Variants in TPCN2 observed in about 807,000 individuals in gnomAD.
The protein encoded by TPCN2 is two pore segment channel 2, also known as two pore channel protein 2.
A neutral mutation model predicts 111.4 loss-of-function variants in TPCN2; 92 were observed. The ratio of observed to expected loss-of-function variants is 0.83; its 90% CI spans 0.70 to 0.98. The LOEUF is 0.98. TPCN2 is among the 50% of genes least tolerant of loss of function. TPCN2 has a pLI of 0.00. For missense variants in TPCN2, 995 were observed against 980.1 expected (o/e 1.02, Z -0.20); for synonymous variants, 405 against 414.5 (o/e 0.98, Z 0.28).
chr11:69,062,260 C>T (rs1006253873), intron 5 of TPCN2, among the ~76,000 whole-genome samples: 1 of 152,160 alleles, frequency 6.6e-6, no homozygotes, highest in Non-Finnish European at 1.5e-5. Context: ...ACCCAAACCC[C>T]TCCTGCTAGA....
At chr11:69,050,962 A>G (rs1325252324) in intron 1 of TPCN2, among the ~76,000 whole-genome samples, 3 of 152,236 alleles carry the variant, frequency 2.0e-5, no homozygotes, top group African/African-American at 7.2e-5. Flanking sequence ...GAACGTGGAC[A>G]GGACGCTCTG....
chr11:69,064,043 C>A, intron 7 of TPCN2, 76 bp downstream of exon 7: 1 of 1,431,578 alleles, frequency 7.0e-7, no homozygotes, highest in South Asian at 1.2e-5. Flanking sequence ...GGGCTGGTGT[C>A]TGCTGCCCTG....
intron 9 of TPCN2, 63 bp downstream of exon 9, chr11:69,070,558 A>C (rs1590729884): frequency 7.7e-7 from 1 of 1,296,206 alleles, no homozygotes. Flanking sequence ...GGACCGATAC[A>C]CCCTGCTGCC....
intron 14 of TPCN2, 37 bp from the exon 15 acceptor site, chr11:69,078,697 T>C: frequency 6.2e-7 from 1 of 1,613,510 alleles, no homozygotes. Flanking sequence ...AGCGCTGTGC[T>C]GGGCCAGCCG....
At chr11:69,057,443 T>A in intron 4 of TPCN2, 135 bp from the exon 5 acceptor site, 1 of 814,026 alleles carries the variant, frequency 1.2e-6, no homozygotes, top group South Asian at 1.5e-5. Flanking sequence ...CTGCTCTGCG[T>A]CCCGTGGGGA....
chr11:69,086,682 G>A, intron 23 of TPCN2, 78 bp downstream of exon 23: 1 of 1,403,432 alleles, frequency 7.1e-7, no homozygotes, highest in Non-Finnish European at 1.0e-6. Context: ...GAGGCCACCG[G>A]CCGGGCCTGC....
At chr11:69,052,353 A>G (rs993304585) in intron 1 of TPCN2, among the ~76,000 whole-genome samples, 17 of 152,082 alleles carry the variant, frequency 1.1e-4, no homozygotes, top group Admixed American at 3.9e-4. Flanking sequence ...CATGGGATAT[A>G]TCAGCTTTGA....
rs77605225 is a variant in TPCN2, at chr11:69,077,468, C to G, written c.1231-1014C>G. 5.6e-3 allele frequency among the ~76,000 whole-genome samples: 853 copies of G among 152,252 alleles called. 5 individuals carry two copies. The highest frequency in any genetic ancestry group is 0.017 in the Middle Eastern group (5 of 294). On this transcript the variant is annotated intron_variant, in intron 13 of 24. Coordinates refer to ENST00000294309, the MANE Select transcript of TPCN2 (RefSeq NM_139075.4). ...ATGAGACGCTGAAAGGGACCCTGCCCGTTGTGGCAGAGTGCGTATCGAGGA... is the reference window on the plus strand; with the variant it reads ...ATGAGACGCTGAAAGGGACCCTGCCGGTTGTGGCAGAGTGCGTATCGAGGA...
At position 69,071,815 on chromosome 11, in the gene TPCN2, C is replaced by A. The variant is rs1018715155; in HGVS notation, c.961-108C>A. On this transcript the variant is annotated intron_variant, in intron 10 of 24. Coordinates refer to ENST00000294309, the MANE Select transcript of TPCN2 (RefSeq NM_139075.4). ...GGCTGTGGGGAACTGGGCCCCCCCC[C>A]AAGGCTGCCCAGACTCCCCCTCTGC... 4 of 1,032,764 alleles carry A rather than the reference C, an allele frequency of 3.9e-6. No homozygotes were observed. The Admixed American group carries it at 6.0e-5, about 15-fold the overall frequency. The allele number at this position is 1,032,764 out of a possible 1,614,324, so 64.0% of individuals were successfully genotyped here. A position where few individuals can be genotyped will look rare whatever the true frequency, so the allele number is the denominator to read the frequency against.
intron 20 of TPCN2, 79 bp from the exon 21 acceptor site, chr11:69,085,592 G>A (rs1156790314): frequency 1.0e-6 from 1 of 979,062 alleles, no homozygotes; most frequent in Non-Finnish European, 1.6e-6. Context: ...GAGCACGCCA[G>A]CAGAGGAAAG....
intron 5 of TPCN2, among the ~76,000 whole-genome samples, chr11:69,060,806 G>T (rs1854986867): frequency 6.6e-6 from 1 of 152,228 alleles, no homozygotes; most frequent in South Asian, 2.1e-4. Flanking sequence ...GGGGCTGAAA[G>T]AAGCCTTTGT....
At chr11:69,073,713 G>T (rs1165745721) in intron 13 of TPCN2, among the ~76,000 whole-genome samples, 1 of 152,202 alleles carries the variant, frequency 6.6e-6, no homozygotes, top group Non-Finnish European at 1.5e-5. Context: ...TCCTCCTGAG[G>T]CCCCTCTCAG....
Position 69,088,237 on chromosome 11 carries a change from A to T in TPCN2, c.*284A>T, listed in dbSNP as rs1856355576. On this transcript the variant is annotated 3_prime_UTR_variant, in exon 25 of 25. Transcript: ENST00000294309. ...GACTCCACAGGGACCTTTCAGACAA[A>T]AATGCAAGAAGCAGCGGCCTCCCCT... 2.4e-6 allele frequency: 1 copy of T among 414,412 alleles called. No individual in the cohort carries two copies. Among genetic ancestry groups the T allele is most frequent in the African/African-American group, 2.0e-5 (1 of 49,938 alleles). 25.7% of individuals were successfully genotyped at this position (414,412 alleles called of 1,614,324 possible).
intron 7 of TPCN2, among the ~76,000 whole-genome samples, chr11:69,064,450 C>T (rs1590719298): frequency 6.6e-6 from 1 of 152,148 alleles, no homozygotes; most frequent in African/African-American, 2.4e-5. Context: ...ACTGGGAGGG[C>T]CCTCACCTCC....
At chr11:69,081,274 G>GGGGTGC (rs1203302587) in intron 17 of TPCN2, 126 bp from the exon 18 acceptor site, 10 of 610,902 alleles carry the variant, frequency 1.6e-5, no homozygotes, top group Non-Finnish European at 2.9e-5. Flanking sequence ...TGTTGGCTGT[G>GGGGTGC]GGGTGCACTC....
At position 69,086,771 on chromosome 11, in the gene TPCN2, T is replaced by C. The variant is rs369312890; in HGVS notation, c.2085+167T>C. 2.7e-4 allele frequency among the ~76,000 whole-genome samples: 27 copies of C among 98,618 alleles called. No homozygotes were observed. The East Asian group carries it at 6.3e-3, about 23-fold the overall frequency. The allele number at this position is 98,618 out of a possible 152,430, so 64.7% of individuals were successfully genotyped here. ...GAGCCCCTCCCGTGGGGCTCAGTGC[T>C]GCCCGCCCTGGCTGCTGGGGCCTTG... On this transcript the variant is annotated intron_variant, in intron 23 of 24. Transcript: ENST00000294309.
At chr11:69,071,871 T>G (rs1590732672) in intron 10 of TPCN2, 52 bp from the exon 11 acceptor site, 1 of 1,549,258 alleles carries the variant, frequency 6.5e-7, no homozygotes, top group Non-Finnish European at 8.9e-7. Flanking sequence ...GGGTCGGGGG[T>G]TCTGAGCTGG....
At chr11:69,067,650 G>T in intron 8 of TPCN2, 45 bp downstream of exon 8, 2 of 1,585,374 alleles carry the variant, frequency 1.3e-6, no homozygotes, top group South Asian at 2.2e-5. Context: ...GGTGAGCCCA[G>T]CACTGGGGGG....
At chr11:69,067,140 C>A (rs1855307258) in intron 7 of TPCN2, among the ~76,000 whole-genome samples, 2 of 152,236 alleles carry the variant, frequency 1.3e-5, no homozygotes, top group African/African-American at 4.8e-5. Flanking sequence ...TCCTCCTGCC[C>A]CTCCTGCCTC....
Sources: gnomAD v4.1 joint callset for allele counts (sites outside exome capture counted in the v4.1 genomes callset) on GRCh38, gnomAD v4.1.1 for gene constraint, MANE v1.5 for transcripts, NCBI Gene and HGNC (gene_info 2026-07-23, HGNC 2026-07-21) for gene names.